ACSM6: variants seen among roughly 807,000 people sequenced by gnomAD.
ACSM6 encodes acyl-CoA synthetase medium chain family member 6.
ACSM6 carries 35 observed loss-of-function variants against 51.1 expected under a neutral mutation model. The ratio of observed to expected loss-of-function variants is 0.69; its 90% CI spans 0.52 to 0.91. ACSM6 has a LOEUF of 0.91. Among genes scored for constraint, ACSM6 ranks in the 40% least tolerant of loss-of-function variants. The pLI, the probability that ACSM6 is intolerant of heterozygous loss-of-function variation, is 0.00. For missense variants in ACSM6, 509 were observed against 584.1 expected, an observed-to-expected ratio of 0.87 and a Z score of 1.32; for synonymous variants, 172 against 207.3, an observed-to-expected ratio of 0.83 and a Z score of 1.46.
At chr10:95,223,181 C>A (rs760909797) in intron 9 of ACSM6, among the ~76,000 whole-genome samples, 4 of 151,826 alleles carry the variant, frequency 2.6e-5, no homozygotes, top group Non-Finnish European at 4.4e-5. Context: ...CACACACACA[C>A]ACACACACAC....
At chr10:95,207,342 C>A (rs771410263) in exon 4 of ACSM6, 1 of 1,614,110 alleles carries the variant, frequency 6.2e-7, no homozygotes, top group East Asian at 2.2e-5. Flanking sequence ...GTCCGACTGC[C>A]CCACCTTGAA....
chr10:95,206,264 G>C (rs1434080252), intron 3 of ACSM6, among the ~76,000 whole-genome samples: 3 of 152,040 alleles, frequency 2.0e-5, no homozygotes, highest in African/African-American at 7.3e-5. Flanking sequence ...CTAGCTTTTT[G>C]TCCCTGACTT....
intron 9 of ACSM6, among the ~76,000 whole-genome samples, chr10:95,223,465 A>G (rs1000242896): frequency 6.6e-6 from 1 of 152,232 alleles, no homozygotes; most frequent in Non-Finnish European, 1.5e-5. Context: ...CTAACAAGGA[A>G]CATATAAATG....
intron 3 of ACSM6, 35 bp downstream of exon 3, chr10:95,202,230 G>T (rs1483020154): frequency 1.3e-6 from 2 of 1,503,070 alleles, no homozygotes; most frequent in Non-Finnish European, 1.8e-6. Context: ...GGGGTTGGAG[G>T]CTTATGTGAA....
intron 7 of ACSM6, among the ~76,000 whole-genome samples, chr10:95,214,072 C>G (rs2034920977): frequency 6.6e-6 from 1 of 152,132 alleles, no homozygotes; most frequent in Non-Finnish European, 1.5e-5. Context: ...CGCTTATACC[C>G]TGAAATTAAT....
At chr10:95,217,669 T>C (rs1458875090) in intron 8 of ACSM6, among the ~76,000 whole-genome samples, 14 of 152,296 alleles carry the variant, frequency 9.2e-5, no homozygotes, top group East Asian at 7.7e-4. Context: ...CAAAAAAAAT[T>C]CTTTGGTGAC....
chr10:95,206,375 T>C (rs976049396), intron 3 of ACSM6, among the ~76,000 whole-genome samples: 1 of 152,226 alleles, frequency 6.6e-6, no homozygotes, highest in Non-Finnish European at 1.5e-5. Context: ...TGTAAATATA[T>C]ATACTATATT....
intron 6 of ACSM6, 107 bp from the exon 7 acceptor site, chr10:95,212,751 A>T (rs369643897): frequency 1.2e-6 from 1 of 818,068 alleles, no homozygotes. Context: ...TGAGTTTCAA[A>T]GTCTGTGACC....
At chr10:95,221,358 C>T (rs1332474480) in intron 9 of ACSM6, among the ~76,000 whole-genome samples, 1 of 151,990 alleles carries the variant, frequency 6.6e-6, no homozygotes, top group African/African-American at 2.4e-5. Context: ...AGGCCGAGGC[C>T]AGTGGATCAC....
At chr10:95,199,445 G>C (rs1009197292) in intron 2 of ACSM6, among the ~76,000 whole-genome samples, 27 of 152,162 alleles carry the variant, frequency 1.8e-4, no homozygotes, top group African/African-American at 5.8e-4. Flanking sequence ...GCATGGGCAA[G>C]GACTTCATGT....
exon 3 of ACSM6, chr10:95,202,060 A>G: frequency 6.4e-7 from 1 of 1,551,902 alleles, no homozygotes; most frequent in Non-Finnish European, 8.7e-7. Context: ...GAGCTTTGAA[A>G]GGATGACTCA....
At chr10:95,215,462 G>GA (rs1013491739) in intron 8 of ACSM6, among the ~76,000 whole-genome samples, 1 of 152,176 alleles carries the variant, frequency 6.6e-6, no homozygotes, top group Non-Finnish European at 1.5e-5. Context: ...AAACACAGAT[G>GA]AAAAGCATGG....
intron 2 of ACSM6, among the ~76,000 whole-genome samples, chr10:95,200,289 T>C (rs538084918): frequency 8.9e-5 from 12 of 134,590 alleles, no homozygotes; most frequent in South Asian, 6.9e-4. Flanking sequence ...TAGGTGGGAA[T>C]TGAACAATGA....
intron 10 of ACSM6, chr10:95,226,017 T>A (rs1413437725): frequency 6.6e-6 from 1 of 152,196 alleles, no homozygotes; most frequent in African/African-American, 2.4e-5. Context: ...TCAAGACTAT[T>A]ATGTAGATGA....
intron 8 of ACSM6, among the ~76,000 whole-genome samples, chr10:95,217,695 C>T (rs1487179223): frequency 3.9e-5 from 6 of 152,178 alleles, no homozygotes; most frequent in Admixed American, 1.3e-4. Context: ...AAACCTCAGA[C>T]TGTGTGGGAG....
At chr10:95,223,071 G>A (rs898409726) in intron 9 of ACSM6, among the ~76,000 whole-genome samples, 2 of 151,560 alleles carry the variant, frequency 1.3e-5, no homozygotes, top group Non-Finnish European at 2.9e-5. Flanking sequence ...CCACACAAAG[G>A]GGGAAGATGA....
intron 7 of ACSM6, 131 bp downstream of exon 7, chr10:95,213,071 G>A: frequency 1.4e-6 from 1 of 692,472 alleles, no homozygotes; most frequent in East Asian, 2.7e-5. Flanking sequence ...TGCCATTCAT[G>A]ACAACAACTC....
intron 7 of ACSM6, among the ~76,000 whole-genome samples, chr10:95,214,068 T>C (rs535139661): frequency 1.3e-5 from 2 of 152,348 alleles, no homozygotes; most frequent in Admixed American, 1.3e-4. Context: ...CTCTCGCTTA[T>C]ACCCTGAAAT....
chr10:95,227,770 A>T (rs1589500184), intron 10 of ACSM6, among the ~76,000 whole-genome samples: 3 of 152,330 alleles, frequency 2.0e-5, no homozygotes, highest in South Asian at 2.1e-4. Flanking sequence ...CAATGAGTCA[A>T]ATGCTGTTAG....
Sources: gnomAD v4.1 joint callset for allele counts (sites outside exome capture counted in the v4.1 genomes callset) on GRCh38, gnomAD v4.1.1 for gene constraint, MANE v1.5 for transcripts, NCBI Gene and HGNC (gene_info 2026-07-23, HGNC 2026-07-21) for gene names.